The following CTDP1 variants were observed in gnomAD, a reference collection of about 807,000 sequenced individuals.
The protein encoded by CTDP1 is RNA polymerase II subunit A C-terminal domain phosphatase.
A neutral mutation model predicts 91.8 loss-of-function variants in CTDP1; 47 were observed. The ratio of observed to expected loss-of-function variants is 0.51; its 90% CI spans 0.41 to 0.65. The LOEUF (loss-of-function observed/expected upper bound fraction) is 0.65. Among genes scored for constraint, CTDP1 ranks in the 30% least tolerant of loss-of-function variants. The pLI, the probability that CTDP1 is intolerant of heterozygous loss-of-function variation, is 0.00. For missense variants in CTDP1, 1,272 were observed against 1,373.7 expected, an observed-to-expected ratio of 0.93 and a Z score of 1.17; for synonymous variants, 656 against 598.5, an observed-to-expected ratio of 1.10 and a Z score of -1.40.
At chr18:79,704,645 T>C in intron 4 of CTDP1, 122 bp from the exon 5 acceptor site, 1 of 1,365,770 alleles carries the variant, frequency 7.3e-7, no homozygotes, top group Non-Finnish European at 1.0e-6. Context: ...CACGCGTGTC[T>C]TCAGAACGCT....
chr18:79,732,763 T>C (rs1409574214), intron 11 of CTDP1, among the ~76,000 whole-genome samples: 1 of 149,296 alleles, frequency 6.7e-6, no homozygotes, highest in Non-Finnish European at 1.5e-5. Flanking sequence ...TCACCAGGAG[T>C]GCTCCCAAAA....
rs767060130 is a variant in CTDP1 at position 79,717,570 on chromosome 18, C to T, written c.2104C>T (p.His702Tyr). 16 of 1,613,708 alleles carry T rather than the reference C, an allele frequency of 9.9e-6. No individual in the cohort carries two copies. The highest frequency in any genetic ancestry group is 8.3e-5 in the Admixed American group (5 of 60,000). The change falls in exon 9 of 13, where the codon CAC becomes TAC. Residue 702 changes from histidine to tyrosine, a missense_variant. By Grantham distance (83) the His-to-Tyr change is moderately conservative. Coordinates refer to ENST00000613122, the MANE Select transcript of CTDP1 (RefSeq NM_004715.5). The part of the protein sequence containing the change: ...EKVLQAQECG[H>Y]LHVVNPDWLW... ...GGTGCTGCAGGCACAGGAGTGCGGA[C>T]ACCTGCACGTGGTCAACCCTGACTG...
At chr18:79,702,512 T>C (rs1429069307) in intron 4 of CTDP1, among the ~76,000 whole-genome samples, 2 of 152,188 alleles carry the variant, frequency 1.3e-5, no homozygotes, top group Non-Finnish European at 2.9e-5. Flanking sequence ...TAGCTGGGAC[T>C]ACAGGCGTGT....
intron 6 of CTDP1, 25 bp from the exon 7 acceptor site, chr18:79,712,947 G>A (rs1448080463): frequency 1.9e-6 from 3 of 1,611,248 alleles, no homozygotes; most frequent in Non-Finnish European, 2.5e-6. Flanking sequence ...ATTATTTTTT[G>A]TAAATTATGC....
chr18:79,706,452 A>G (rs1202408967), intron 5 of CTDP1, among the ~76,000 whole-genome samples: 1 of 152,132 alleles, frequency 6.6e-6, no homozygotes, highest in Non-Finnish European at 1.5e-5. Context: ...AAACCAGACA[A>G]CTGAGCGGGG....
intron 1 of CTDP1, among the ~76,000 whole-genome samples, chr18:79,684,327 G>A (rs1442836702): frequency 6.6e-6 from 1 of 152,220 alleles, no homozygotes; most frequent in Non-Finnish European, 1.5e-5. Context: ...TTTTAACAAA[G>A]AAAGAAGAAT....
intron 3 of CTDP1, among the ~76,000 whole-genome samples, chr18:79,697,386 C>T (rs181210332): frequency 7.9e-4 from 121 of 152,320 alleles, no homozygotes; most frequent in African/African-American, 2.5e-3. Flanking sequence ...CACCCCGATG[C>T]GCTGTTGCCA....
At chr18:79,721,509 T>C (rs1043639900) in intron 10 of CTDP1, among the ~76,000 whole-genome samples, 3 of 152,216 alleles carry the variant, frequency 2.0e-5, no homozygotes, top group Non-Finnish European at 4.4e-5. Flanking sequence ...TGCTGAGATT[T>C]GGTTTCGAAA....
At chr18:79,734,616 T>A (rs962789439) in intron 11 of CTDP1, among the ~76,000 whole-genome samples, 1 of 152,268 alleles carries the variant, frequency 6.6e-6, no homozygotes, top group Admixed American at 6.5e-5. Flanking sequence ...GTCCGTGGGC[T>A]GCCGTGCTGG....
intron 11 of CTDP1, among the ~76,000 whole-genome samples, chr18:79,733,315 C>T (rs986299822): frequency 1.3e-5 from 2 of 152,178 alleles, no homozygotes; most frequent in South Asian, 2.1e-4. Context: ...CACAAACACC[C>T]GCCTGTCTCA....
intron 12 of CTDP1, among the ~76,000 whole-genome samples, chr18:79,742,073 C>T (rs1423698451): frequency 6.7e-6 from 1 of 150,362 alleles, no homozygotes; most frequent in African/African-American, 2.4e-5. Flanking sequence ...CATGAGGCGT[C>T]GTGGGAGAGA....
chr18:79,739,197 T>A lies in CTDP1; in HGVS notation c.2747+2676T>A, dbSNP rs189314329. 2.2e-3 allele frequency among the ~76,000 whole-genome samples: 337 copies of A among 152,348 alleles called. 1 individual carries two copies. The highest frequency in any genetic ancestry group is 3.1e-3 in the Non-Finnish European group (209 of 68,040). On this transcript the variant is annotated intron_variant, in intron 12 of 12. Transcript: ENST00000613122. Reference sequence around the variant, plus strand: ...ACATAGGTGGTTTAACCTGATAGTTTTTTTTTCTAATTAAAAGAAGAAACC... The same window carrying A: ...ACATAGGTGGTTTAACCTGATAGTTATTTTTTCTAATTAAAAGAAGAAACC...
intron 1 of CTDP1, among the ~76,000 whole-genome samples, chr18:79,694,180 C>T (rs867733824): frequency 1.0e-3 from 151 of 146,262 alleles, no homozygotes; most frequent in Middle Eastern, 7.3e-3. Context: ...CACCTAGGGG[C>T]GGGTGCTGAG....
At chr18:79,728,864 C>A in intron 10 of CTDP1, 43 bp from the exon 11 acceptor site, 2 of 1,610,750 alleles carry the variant, frequency 1.2e-6, no homozygotes, top group East Asian at 2.2e-5. Flanking sequence ...AAGTGCCATT[C>A]GAACTGACCT....
chr18:79,728,895 A>C lies in CTDP1; in HGVS notation c.2418-12A>C. On this transcript the variant is annotated splice_polypyrimidine_tract_variant and intron_variant, in intron 10 of 12. Coordinates refer to ENST00000613122, the MANE Select transcript of CTDP1 (RefSeq NM_004715.5). Reference sequence around the variant, plus strand: ...GACCTTCCTCATGTGGGACCTATGAAATTCCTTTCAGAGCGGTTCCGCCAC... The same window carrying C: ...GACCTTCCTCATGTGGGACCTATGACATTCCTTTCAGAGCGGTTCCGCCAC... The C allele has an allele frequency of 6.2e-7, 1 of 1,613,668 alleles. No homozygotes were observed. The highest frequency in any genetic ancestry group is 8.5e-7 in the Non-Finnish European group (1 of 1,180,024).
intron 12 of CTDP1, among the ~76,000 whole-genome samples, chr18:79,746,984 C>G (rs1006011374): frequency 1.3e-5 from 2 of 152,150 alleles, no homozygotes. Flanking sequence ...GCTAAAGGCT[C>G]CTGGTCGCGT....
intron 11 of CTDP1, among the ~76,000 whole-genome samples, chr18:79,732,994 C>G (rs970051310): frequency 6.6e-6 from 1 of 152,210 alleles, no homozygotes; most frequent in Non-Finnish European, 1.5e-5. Context: ...GATTTTTCTT[C>G]TGGAAGCGAC....
At chr18:79,718,413 C>T (rs1288016003) in intron 10 of CTDP1, among the ~76,000 whole-genome samples, 1 of 152,228 alleles carries the variant, frequency 6.6e-6, no homozygotes, top group Admixed American at 6.5e-5. Context: ...GTTTGCTGCT[C>T]TGCCAACCCC....
rs557062643 is a variant in CTDP1 at position 79,696,178 on chromosome 18, G to A, written c.492+108G>A. The stretch of plus-strand genomic sequence containing the variant: ...GCACGGACGTGTGGTTGTCATCGTC[G>A]TTACTGAAACAACCCCTCATCACAC... On this transcript the variant is annotated intron_variant, in intron 3 of 12. Transcript: ENST00000613122. 117 of 910,324 alleles carry A rather than the reference G, an allele frequency of 1.3e-4. 1 individual carries two copies. The South Asian group carries it at 1.5e-3, about 11-fold the overall frequency. The allele number at this position is 910,324 out of a possible 1,614,324, so 56.4% of individuals were successfully genotyped here.
Sources: allele counts gnomAD v4.1 joint callset (sites outside exome capture counted in the v4.1 genomes callset), GRCh38; gene constraint gnomAD v4.1.1; transcripts MANE v1.5; gene names NCBI Gene and HGNC (gene_info 2026-07-23, HGNC 2026-07-21).